The following FYCO1 variants were observed in gnomAD, a reference collection of about 807,000 sequenced individuals.
FYCO1 encodes the protein FYVE and coiled-coil domain-containing protein 1.
FYCO1 carries 122 observed loss-of-function variants against 165.1 expected under a neutral mutation model. That is an observed-to-expected ratio of 0.74 (90% CI 0.64 to 0.86). The LOEUF (loss-of-function observed/expected upper bound fraction) is 0.86. Among genes scored for constraint, FYCO1 ranks in the 40% least tolerant of loss-of-function variants. The probability of loss-of-function intolerance (pLI) is 0.00; values close to 1 mark genes in which losing one functional copy is unlikely to be tolerated. For synonymous variants in FYCO1, 648 were observed against 742.5 expected, an observed-to-expected ratio of 0.87 and a Z score of 2.07; for missense variants, 1,702 against 1,810.3, an observed-to-expected ratio of 0.94 and a Z score of 1.09.
intron 15 of FYCO1, among the ~76,000 whole-genome samples, chr3:45,931,811 C>T (rs1488203690): frequency 6.6e-6 from 1 of 152,234 alleles, no homozygotes; most frequent in Non-Finnish European, 1.5e-5. Context: ...TCCACATGGA[C>T]ACCCTGACCT....
At chr3:45,986,743 G>C (rs1707336268) in intron 1 of FYCO1, among the ~76,000 whole-genome samples, 1 of 152,152 alleles carries the variant, frequency 6.6e-6, no homozygotes, top group Non-Finnish European at 1.5e-5. Context: ...TTTATGAGAA[G>C]CCTGCCTGCC....
Position 45,920,844 on chromosome 3 carries a change from A to G in FYCO1, c.*921T>C, listed in dbSNP as rs1703065340. 6.5e-6 allele frequency: 1 copy of G among 152,698 alleles called. No homozygotes were observed. The highest frequency in any genetic ancestry group is 6.5e-5 in the Admixed American group (1 of 15,288). 9.5% of individuals were successfully genotyped at this position (152,698 alleles called of 1,614,324 possible). A position where few individuals can be genotyped will look rare whatever the true frequency, so the allele number is the denominator to read the frequency against. ...TAGTAAACATGTCTGCAGGTGGGGC[A>G]GAAGCTCTTATTTATATAAACAAAA... On this transcript the variant is annotated 3_prime_UTR_variant, in exon 18 of 18. Transcript: ENST00000296137.
rs774761672 is a variant in FYCO1 at position 45,959,524 on chromosome 3, C to T, written c.3456G>A (p.Trp1152Ter). The T allele has an allele frequency of 2.5e-6, 4 of 1,614,122 alleles. No homozygotes were observed. The East Asian group carries it at 6.7e-5, about 27-fold the overall frequency. Residue 1152 changes from tryptophan to a stop codon, truncating the protein, a stop_gained, in exon 12 of 18, where the codon TGG becomes TGA. Transcript: ENST00000296137. LOFTEE classifies it high-confidence loss of function. The part of the protein sequence containing the change: ...IELLRDKDAL[W>*]QKSDALEFQQ... ...GGAATTCCAGGGCATCTGACTTCTG[C>T]CAGAGAGCATCCTTGTCCCTGGGAC...
chr3:45,968,505 C>T lies in FYCO1; in HGVS notation c.829G>A (p.Glu277Lys). ...VSQQGEQLQT[E>K]RERGRTAAED... The stretch of plus-strand genomic sequence containing the variant: ...GCTGCAGTGCGCCCCCTCTCCCTCT[C>T]TGTCTGCAGTTGCTCCCCTTGCTGG... The change falls in exon 8 of 18, where the codon GAG becomes AAG. Residue 277 changes from glutamate to lysine, a missense_variant. Physicochemically the swap from Glu to Lys is moderately conservative, Grantham distance 56. Coordinates refer to ENST00000296137, the MANE Select transcript of FYCO1 (RefSeq NM_024513.4). The T allele has an allele frequency of 6.2e-7, 1 of 1,614,116 alleles. No homozygotes were observed. The highest frequency in any genetic ancestry group is 8.5e-7 in the Non-Finnish European group (1 of 1,180,040).
chr3:45,953,515 A>G (rs372825552), intron 14 of FYCO1, among the ~76,000 whole-genome samples: 3 of 152,318 alleles, frequency 2.0e-5, no homozygotes, highest in East Asian at 3.9e-4. Context: ...TACAACTCAT[A>G]TTTTTAAAAA....
intron 13 of FYCO1, among the ~76,000 whole-genome samples, chr3:45,957,743 C>T (rs1705428115): frequency 6.6e-6 from 1 of 152,264 alleles, no homozygotes; most frequent in African/African-American, 2.4e-5. Context: ...GGCTGGCCTG[C>T]ATCCAGGCAG....
At position 45,979,846 on chromosome 3, in the gene FYCO1, G is replaced by C; in HGVS notation, c.163-16C>G. On this transcript the variant is annotated splice_polypyrimidine_tract_variant and intron_variant, in intron 3 of 17. Transcript: ENST00000296137. The stretch of plus-strand genomic sequence containing the variant: ...TCTGATCAAACTGGGTAGGGAAAGG[G>C]AAAGGGAGAGGAGGTCCAAACCCAC... 1.2e-6 allele frequency: 2 copies of C among 1,613,606 alleles called. No individual in the cohort carries two copies. Among genetic ancestry groups the C allele is most frequent in the Non-Finnish European group, 1.7e-6 (2 of 1,179,694 alleles).
At chr3:45,961,535 G>C (rs946206212) in intron 11 of FYCO1, among the ~76,000 whole-genome samples, 14 of 151,404 alleles carry the variant, frequency 9.2e-5, no homozygotes, top group Admixed American at 8.5e-4. Context: ...CCAAGATCAC[G>C]CCACTGTACT....
chr3:45,979,852 G>A, intron 3 of FYCO1, 22 bp from the exon 4 acceptor site: 1 of 1,613,460 alleles, frequency 6.2e-7, no homozygotes, highest in Non-Finnish European at 8.5e-7. Context: ...AAGGGAAAGG[G>A]AGAGGAGGTC....
Position 45,962,540 on chromosome 3 carries a change from C to A in FYCO1, c.3270-148G>T. 1 of 750,392 alleles carries A rather than the reference C, an allele frequency of 1.3e-6. No individual in the cohort carries two copies. The highest frequency in any genetic ancestry group is 1.5e-5 in the South Asian group (1 of 65,664). 46.5% of individuals were successfully genotyped at this position (750,392 alleles called of 1,614,324 possible). ...ATCTGCTCACAGCTTATGCAGTCCC[C>A]TAGCTTTTGAGACTCTCCTCTCACC... is the stretch of plus-strand genomic sequence containing the variant. On this transcript the variant is annotated intron_variant, in intron 10 of 17. Coordinates refer to ENST00000296137, the MANE Select transcript of FYCO1 (RefSeq NM_024513.4). The surrounding 1 kb of genome is among the most constrained non-coding windows in gnomAD (Gnocchi z 4.4).
chr3:45,980,789 A>C lies in FYCO1; in HGVS notation c.162+781T>G, dbSNP rs910173193. On this transcript the variant is annotated intron_variant, in intron 3 of 17. Transcript: ENST00000296137. The stretch of plus-strand genomic sequence containing the variant: ...CTGATTACAGAAGCAAGATATGCGT[A>C]TGTTATTAGGATATCTAGATAAAAC... Among the ~76,000 whole-genome samples the C allele has an allele frequency of 2.6e-4, 39 of 152,230 alleles. 1 individual carries two copies. The highest frequency in any genetic ancestry group is 2.6e-3 in the Admixed American group (39 of 15,284).
chr3:45,935,687 A>G (rs191565376), intron 15 of FYCO1, among the ~76,000 whole-genome samples: 32 of 152,334 alleles, frequency 2.1e-4, no homozygotes, highest in Non-Finnish European at 4.4e-4. Flanking sequence ...CATAGCAAGC[A>G]CTACCTTGTA....
chr3:45,967,507 G>A lies in FYCO1; in HGVS notation c.1827C>T (p.Ser609=), dbSNP rs1327964876. The A allele has an allele frequency of 2.5e-6, 4 of 1,613,512 alleles. No homozygotes were observed. Among genetic ancestry groups the A allele is most frequent in the East Asian group, 2.2e-5 (1 of 44,880 alleles). Reference sequence around the variant, plus strand: ...TGGCCTGCCGGAGCTCTTCCTCCTGGCTGCCCTCTTGCACCTTGGTATCGT... The same window carrying A: ...TGGCCTGCCGGAGCTCTTCCTCCTGACTGCCCTCTTGCACCTTGGTATCGT... The part of the protein sequence containing the change: ...QLDDTKVQEG[S]QEEELRQANR... The change falls in exon 8 of 18, where the codon AGC becomes AGT. Residue 609 remains serine, a synonymous_variant. Coordinates refer to ENST00000296137, the MANE Select transcript of FYCO1 (RefSeq NM_024513.4).
chr3:45,962,920 G>C lies in FYCO1; in HGVS notation c.3270-528C>G, dbSNP rs1404933795. ...TACCTGATAGCCCCCCTGAGGCCCAGGGAATTCCGTTTTGGGTGCTGCAGG... is the reference window on the plus strand; with the variant it reads ...TACCTGATAGCCCCCCTGAGGCCCACGGAATTCCGTTTTGGGTGCTGCAGG... On this transcript the variant is annotated intron_variant, in intron 10 of 17. Coordinates refer to ENST00000296137, the MANE Select transcript of FYCO1 (RefSeq NM_024513.4). The surrounding 1 kb of genome is among the most constrained non-coding windows in gnomAD (Gnocchi z 4.4). Among the ~76,000 whole-genome samples, 1 of 152,182 alleles carries C rather than the reference G, an allele frequency of 6.6e-6. No individual in the cohort carries two copies. The highest frequency in any genetic ancestry group is 2.1e-4 in the South Asian group (1 of 4,830).
At chr3:45,983,951 G>A (rs1162977725) in intron 2 of FYCO1, among the ~76,000 whole-genome samples, 1 of 152,248 alleles carries the variant, frequency 6.6e-6, no homozygotes, top group Admixed American at 6.5e-5. Flanking sequence ...AATGAGAACT[G>A]CACTGTGGCC....
At chr3:45,946,743 G>A in intron 14 of FYCO1, 6 of 1,614,198 alleles carry the variant, frequency 3.7e-6, no homozygotes, top group Non-Finnish European at 5.1e-6. Flanking sequence ...GCCCTTCTGG[G>A]CCTATGCAGG....
intron 17 of FYCO1, 131 bp downstream of exon 17, chr3:45,923,525 G>A: frequency 2.8e-6 from 2 of 717,350 alleles, no homozygotes; most frequent in Non-Finnish European, 2.6e-6. Context: ...CACAGGAGAG[G>A]GGTCAACAAT....
chr3:45,922,679 G>T (rs149543887), intron 17 of FYCO1, among the ~76,000 whole-genome samples: 12 of 152,238 alleles, frequency 7.9e-5, no homozygotes, highest in Non-Finnish European at 1.6e-4. Context: ...GAGGGGGTGA[G>T]GTGGGAAGTT....
intron 1 of FYCO1, among the ~76,000 whole-genome samples, chr3:45,992,889 T>C (rs1238174390): frequency 1.4e-5 from 2 of 139,702 alleles, no homozygotes; most frequent in East Asian, 2.5e-4. Context: ...GGACTTCACA[T>C]AGGGATTCTT....
Sources: allele counts gnomAD v4.1 joint callset (sites outside exome capture counted in the v4.1 genomes callset), GRCh38; gene constraint gnomAD v4.1.1; non-coding constraint Gnocchi (gnomAD v3.1); transcripts MANE v1.5; gene names NCBI Gene and HGNC (gene_info 2026-07-23, HGNC 2026-07-21).